TRPM3: variants seen among roughly 807,000 people sequenced by gnomAD.
The protein encoded by TRPM3 is long transient receptor potential channel 3.
TRPM3 carries 77 observed loss-of-function variants against 181.2 expected under a neutral mutation model. That is an observed-to-expected ratio of 0.42 (90% CI 0.35 to 0.51). The LOEUF is 0.51. Among genes scored for constraint, TRPM3 ranks in the 20% least tolerant of loss-of-function variants. The probability of loss-of-function intolerance (pLI) is 0.01; values close to 1 mark genes in which losing one functional copy is unlikely to be tolerated. For synonymous variants in TRPM3, 745 were observed against 796.4 expected (o/e 0.94, Z 1.09); for missense variants, 1,759 against 2,196.7 (o/e 0.80, Z 3.98).
At chr9:71,004,585 G>T (rs569353070) in intron 1 of TRPM3, among the ~76,000 whole-genome samples, 1 of 152,126 alleles carries the variant, frequency 6.6e-6, no homozygotes, top group Non-Finnish European at 1.5e-5. Flanking sequence ...AAAACCCAGA[G>T]AACTATGACA....
At chr9:71,122,857 C>A (rs545285573), upstream of TRPM3, among the ~76,000 whole-genome samples, 54 of 152,328 alleles carry the variant, frequency 3.5e-4, no homozygotes, top group African/African-American at 1.3e-3. Flanking sequence ...ATCTACCAAA[C>A]AATATCACTT....
chr9:70,763,106 C>G (rs2078446895), intron 7 of TRPM3, among the ~76,000 whole-genome samples: 1 of 152,142 alleles, frequency 6.6e-6, no homozygotes, highest in Non-Finnish European at 1.5e-5. Flanking sequence ...AGGAGGGTGG[C>G]ATTCCTCATG....
intron 1 of TRPM3, among the ~76,000 whole-genome samples, chr9:70,961,419 T>C (rs528713808): frequency 6.6e-6 from 1 of 152,186 alleles, no homozygotes; most frequent in East Asian, 1.9e-4. Flanking sequence ...ACAGCAGCAA[T>C]AGGAAACAAT....
intron 1 of TRPM3, among the ~76,000 whole-genome samples, chr9:71,158,900 G>A (rs12004038): frequency 0.038 from 5,717 of 152,074 alleles, 364 homozygotes; most frequent in African/African-American, 0.13. Flanking sequence ...GACTGCTTGA[G>A]CTCTGAAACA....
intron 1 of TRPM3, among the ~76,000 whole-genome samples, chr9:71,346,275 T>C (rs1445309137): frequency 1.3e-5 from 2 of 152,232 alleles, no homozygotes; most frequent in Non-Finnish European, 2.9e-5. Context: ...CTACAGACTT[T>C]AAAAAATTGT....
intron 1 of TRPM3, among the ~76,000 whole-genome samples, chr9:71,101,459 T>G (rs1444574804): frequency 2.0e-5 from 3 of 152,130 alleles, no homozygotes; most frequent in Non-Finnish European, 4.4e-5. Flanking sequence ...AGGCTGAATT[T>G]TGTGTGTATG....
chr9:71,392,218 A>C (rs2093078241), intron 1 of TRPM3, among the ~76,000 whole-genome samples: 1 of 152,140 alleles, frequency 6.6e-6, no homozygotes, highest in Non-Finnish European at 1.5e-5. Flanking sequence ...CTACAAAGAA[A>C]ACACATTTTC....
At chr9:71,191,863 C>T (rs1486934652) in intron 1 of TRPM3, among the ~76,000 whole-genome samples, 2 of 151,318 alleles carry the variant, frequency 1.3e-5, no homozygotes, top group Non-Finnish European at 3.0e-5. Context: ...GTAGCCTCTG[C>T]TTCAGGGTGA....
intron 1 of TRPM3, among the ~76,000 whole-genome samples, chr9:70,869,398 T>TA (rs1328616867): frequency 1.4e-4 from 20 of 146,406 alleles, no homozygotes; most frequent in Non-Finnish European, 1.0e-4. Flanking sequence ...GAAAGTGTGA[T>TA]AAGGTGTTCT....
chr9:71,427,858 C>T (rs1197299867), intron 1 of TRPM3, among the ~76,000 whole-genome samples: 1 of 152,122 alleles, frequency 6.6e-6, no homozygotes, highest in Non-Finnish European at 1.5e-5. Flanking sequence ...TCAACCTCAG[C>T]ATCACACAAA....
intron 25 of TRPM3, among the ~76,000 whole-genome samples, chr9:70,542,990 AAG>A (rs372778355): frequency 7.5e-4 from 114 of 152,272 alleles, no homozygotes; most frequent in African/African-American, 2.5e-3. Flanking sequence ...TGGGGAGAAA[AAG>A]AGAAACAAGT....
intron 11 of TRPM3, among the ~76,000 whole-genome samples, chr9:70,635,821 A>G (rs548658769): frequency 3.1e-4 from 47 of 152,232 alleles, no homozygotes; most frequent in Admixed American, 1.2e-3. Context: ...CCTCAAGCAA[A>G]TGTATTTGAG....
intron 9 of TRPM3, among the ~76,000 whole-genome samples, chr9:70,648,214 C>T (rs1239370997): frequency 6.6e-6 from 1 of 152,166 alleles, no homozygotes; most frequent in Admixed American, 6.5e-5. Context: ...GTGGCTTATG[C>T]CTGTATTACC....
chr9:70,671,364 G>A (rs2062884537), intron 9 of TRPM3, among the ~76,000 whole-genome samples: 1 of 152,076 alleles, frequency 6.6e-6, no homozygotes, highest in Non-Finnish European at 1.5e-5. Context: ...GGGCTGAGAG[G>A]AGCCTAGTGG....
chr9:70,878,634 T>C lies in TRPM3; in HGVS notation c.178-14123A>G, dbSNP rs2095917798. ...CATGCCATAAAATCGATTATGCACA[T>C]GGATTTTGTGGCAACAACAAATTGC... On this transcript the variant is annotated intron_variant, in intron 1 of 25. Coordinates refer to ENST00000677713, the MANE Select transcript of TRPM3 (RefSeq NM_001366145.2). Among the ~76,000 whole-genome samples the C allele has an allele frequency of 2.0e-5, 3 of 152,224 alleles. No homozygotes were observed. In the South Asian group the frequency reaches 6.2e-4, roughly 32 times the overall value.
At chr9:71,402,689 T>C (rs540793663) in intron 1 of TRPM3, among the ~76,000 whole-genome samples, 1 of 152,316 alleles carries the variant, frequency 6.6e-6, no homozygotes, top group Non-Finnish European at 1.5e-5. Flanking sequence ...GTTGTACTCC[T>C]TGGTAGGGAA....
chr9:71,166,924 A>T (rs1206859970), intron 1 of TRPM3, among the ~76,000 whole-genome samples: 1 of 152,208 alleles, frequency 6.6e-6, no homozygotes, highest in East Asian at 1.9e-4. Flanking sequence ...AATAAAAGGC[A>T]TGATGAGAAA....
chr9:70,638,697 T>C (rs1240399134), intron 11 of TRPM3, among the ~76,000 whole-genome samples: 2 of 152,188 alleles, frequency 1.3e-5, no homozygotes, highest in African/African-American at 2.4e-5. Flanking sequence ...TTAATCAGCC[T>C]TTTGTGATGC....
chr9:70,654,781 C>T (rs891357561), intron 9 of TRPM3, among the ~76,000 whole-genome samples: 1 of 150,272 alleles, frequency 6.7e-6, no homozygotes, highest in Non-Finnish European at 1.5e-5. Context: ...TTCCTGGGTT[C>T]ACGCCATTCT....
Sources: allele counts gnomAD v4.1 joint callset (sites outside exome capture counted in the v4.1 genomes callset), GRCh38; gene constraint gnomAD v4.1.1; transcripts MANE v1.5; gene names NCBI Gene and HGNC (gene_info 2026-07-23, HGNC 2026-07-21).